CDH23: variants seen among roughly 807,000 people sequenced by gnomAD.
CDH23 encodes cadherin-23.
A neutral mutation model predicts 317.1 loss-of-function variants in CDH23; 189 were observed. The ratio of observed to expected loss-of-function variants is 0.60; its 90% CI spans 0.53 to 0.67. The LOEUF (loss-of-function observed/expected upper bound fraction) is 0.67, where lower values mean the gene tolerates loss of function less well. Among genes scored for constraint, CDH23 ranks in the 30% least tolerant of loss-of-function variants. CDH23 has a pLI of 0.00. For missense variants in CDH23, 4,401 were observed against 4,592.4 expected (o/e 0.96, Z 1.20); for synonymous variants, 1,839 against 1,876.8 (o/e 0.98, Z 0.52).
chr10:71,694,517 A>G (rs1865303615), intron 21 of CDH23, among the ~76,000 whole-genome samples: 1 of 152,128 alleles, frequency 6.6e-6, no homozygotes. Flanking sequence ...GCCCCTAAAA[A>G]TCCAGGAGGG....
At chr10:71,580,770 C>T (rs923516897) in intron 9 of CDH23, among the ~76,000 whole-genome samples, 1 of 152,106 alleles carries the variant, frequency 6.6e-6, no homozygotes, top group African/African-American at 2.4e-5. Context: ...GTAATGAGCC[C>T]CTTGAGCAAA....
intron 11 of CDH23, among the ~76,000 whole-genome samples, chr10:71,628,111 C>T (rs1209728320): frequency 2.0e-5 from 3 of 152,220 alleles, no homozygotes. Context: ...GTAAGCACAG[C>T]TCGGCTGGGA....
intron 16 of CDH23, 141 bp downstream of exon 16, chr10:71,677,834 G>T: frequency 1.4e-6 from 1 of 706,542 alleles, no homozygotes; most frequent in South Asian, 1.8e-5. Flanking sequence ...GGTACAATCA[G>T]AGTTCATTGC....
intron 9 of CDH23, among the ~76,000 whole-genome samples, chr10:71,583,969 T>G (rs575252403): frequency 2.6e-5 from 4 of 151,878 alleles, no homozygotes; most frequent in South Asian, 2.1e-4. Flanking sequence ...AGCAGCAGCA[T>G]CAGCATCATC....
At chr10:71,687,278 G>A (rs1864945344) in intron 18 of CDH23, among the ~76,000 whole-genome samples, 1 of 152,188 alleles carries the variant, frequency 6.6e-6, no homozygotes, top group African/African-American at 2.4e-5. Flanking sequence ...GGCATCCCCA[G>A]CATGGGAGCT....
At chr10:71,448,060 C>A (rs537527605) in intron 3 of CDH23, among the ~76,000 whole-genome samples, 13 of 152,352 alleles carry the variant, frequency 8.5e-5, no homozygotes, top group African/African-American at 3.1e-4. Context: ...TGGCCAGTCA[C>A]TAACTGACCC....
At chr10:71,620,113 C>CGGTCCCTG (rs1564691839) in intron 11 of CDH23, among the ~76,000 whole-genome samples, 2 of 152,124 alleles carry the variant, frequency 1.3e-5, no homozygotes, top group Non-Finnish European at 2.9e-5. Context: ...GCAGGTCCCT[C>CGGTCCCTG]GGTCCCTGCA....
chr10:71,718,898 T>G (rs1866418646), intron 28 of CDH23, among the ~76,000 whole-genome samples: 1 of 151,932 alleles, frequency 6.6e-6, no homozygotes, highest in African/African-American at 2.4e-5. Flanking sequence ...GAGTCTTCAT[T>G]TCTGAAAGAA....
intron 28 of CDH23, chr10:71,713,191 C>G (rs1297552072): frequency 1.3e-6 from 1 of 779,364 alleles, no homozygotes; most frequent in South Asian, 1.3e-5. Flanking sequence ...AACAGAGCTG[C>G]TTTCACAGAG....
chr10:71,497,570 T>C (rs1165719562), intron 3 of CDH23, among the ~76,000 whole-genome samples: 3 of 152,220 alleles, frequency 2.0e-5, no homozygotes, highest in Non-Finnish European at 4.4e-5. Context: ...ATTCCCCAAG[T>C]GTCCAAACCA....
Position 71,580,449 on chromosome 10 carries a change from C to T in CDH23, c.832+2457C>T, listed in dbSNP as rs574875489. On this transcript the variant is annotated intron_variant, in intron 9 of 69. Coordinates refer to ENST00000224721, the MANE Select transcript of CDH23 (RefSeq NM_022124.6). ...CATTCAGCATAGCTTTATAGGATTC[C>T]CACTGCCAGCACAGATGTGTCTTAA... 3.9e-5 allele frequency among the ~76,000 whole-genome samples: 6 copies of T among 152,278 alleles called. No homozygotes were observed. The East Asian group carries it at 1.2e-3, about 29-fold the overall frequency.
intron 11 of CDH23, among the ~76,000 whole-genome samples, chr10:71,642,058 T>G (rs1862577066): frequency 6.6e-6 from 1 of 151,980 alleles, no homozygotes; most frequent in Non-Finnish European, 1.5e-5. Flanking sequence ...ATTGTACCAC[T>G]GCACTCTGGC....
Position 71,814,962 on chromosome 10 carries a change from C to T in CDH23, c.9749C>T (p.Thr3250Ile), listed in dbSNP as rs774429359. The T allele has an allele frequency of 1.9e-5, 31 of 1,610,938 alleles. No individual in the cohort carries two copies. Among genetic ancestry groups the T allele is most frequent in the Non-Finnish European group, 2.6e-5 (31 of 1,178,716 alleles). The change falls in exon 70 of 70, where the codon ACT becomes ATT. Residue 3250 changes from threonine (T) to isoleucine (I), a missense_variant. Physicochemically the swap from Thr to Ile is moderately conservative, Grantham distance 89. Around this residue, in one of 3 missense-constraint regions of CDH23, gnomAD observed 1,144 missense variants for 1,138.2 expected, o/e 1.01. Transcript: ENST00000224721. ...CCCGGCCTCTTGCAGCTGATACAGA[C>T]TGAGCTGGACGAGGAGCCAGGAGAC... ...CHSSISELIQ[T>I]ELDEEPGDHS...
chr10:71,408,494 C>T (rs999629635), intron 1 of CDH23, among the ~76,000 whole-genome samples: 4 of 152,200 alleles, frequency 2.6e-5, no homozygotes, highest in African/African-American at 9.7e-5. Context: ...TTCTCCCCCT[C>T]ACCTGAAGTG....
Position 71,808,001 on chromosome 10 carries a change from A to G in CDH23, c.8716A>G (p.Thr2906Ala). The G allele has an allele frequency of 6.3e-7, 1 of 1,584,664 alleles. No homozygotes were observed. The highest frequency in any genetic ancestry group is 8.6e-7 in the Non-Finnish European group (1 of 1,164,894). ...CTCTGAAGATGTGGGCCAGGTCTTC[A>G]CCATGGGTAGGGCCTGGCAGCACAT... ...NDSEDVGQVF[T>A]MGSMDGILRT... Residue 2906 changes from threonine (T) to alanine (A), a missense_variant, in exon 60 of 70, where the codon ACC (threonine) becomes GCC (alanine). This residue lies in a region of CDH23 where 1,144 missense variants were observed against 1,138.2 expected (regional missense o/e 1.01). Coordinates refer to ENST00000224721, the MANE Select transcript of CDH23 (RefSeq NM_022124.6).
At chr10:71,715,903 G>A (rs936829120) in intron 28 of CDH23, 10 of 1,444,026 alleles carry the variant, frequency 6.9e-6, no homozygotes, top group South Asian at 1.5e-5. Flanking sequence ...GGTAGACCTA[G>A]GGGGATGTGG....
At chr10:71,803,138 C>G (rs1841607286) in intron 54 of CDH23, 63 bp downstream of exon 54, 4 of 1,601,670 alleles carry the variant, frequency 2.5e-6, no homozygotes, top group Non-Finnish European at 3.4e-6. Context: ...GCCTGCCAGC[C>G]CAGGCCAGGA....
At chr10:71,673,823 C>T (rs573291411) in intron 14 of CDH23, among the ~76,000 whole-genome samples, 1 of 152,136 alleles carries the variant, frequency 6.6e-6, no homozygotes, top group South Asian at 2.1e-4. Flanking sequence ...AGCCAGCAGT[C>T]GCTGCTGCCG....
At chr10:71,524,872 C>T (rs956997242) in intron 6 of CDH23, among the ~76,000 whole-genome samples, 2 of 152,158 alleles carry the variant, frequency 1.3e-5, no homozygotes, top group East Asian at 1.9e-4. Context: ...TTGGAGCCTC[C>T]AGAAGGAACG....
Sources: allele counts gnomAD v4.1 joint callset (sites outside exome capture counted in the v4.1 genomes callset), GRCh38; gene constraint gnomAD v4.1.1; regional missense constraint gnomAD v4.1.1; transcripts MANE v1.5; gene names NCBI Gene and HGNC (gene_info 2026-07-23, HGNC 2026-07-21).